UBE4B: variants seen among roughly 807,000 people sequenced by gnomAD.
UBE4B encodes ubiquitin conjugation factor E4 B.
In UBE4B, 27 loss-of-function variants were observed where a neutral mutation model predicts 148.1. The ratio of observed to expected loss-of-function variants is 0.18; its 90% CI spans 0.13 to 0.25. UBE4B has a LOEUF of 0.25. Among genes scored for constraint, UBE4B ranks in the 10% least tolerant of loss-of-function variants. The pLI is 1.00. For synonymous variants in UBE4B, 596 were observed against 619.3 expected (o/e 0.96, Z 0.56); for missense variants, 1,170 against 1,662.4 (o/e 0.70, Z 5.15).
intron 5 of UBE4B, among the ~76,000 whole-genome samples, chr1:10,104,803 A>G (rs1645079101): frequency 1.3e-5 from 2 of 152,102 alleles, no homozygotes; most frequent in South Asian, 2.1e-4. Flanking sequence ...TTGTTAAAAC[A>G]AGTGTCTTAC....
At chr1:10,105,244 TCA>T (rs1293693403) in intron 5 of UBE4B, among the ~76,000 whole-genome samples, 1 of 152,218 alleles carries the variant, frequency 6.6e-6, no homozygotes, top group Admixed American at 6.5e-5. Context: ...TGGAATAGTT[TCA>T]GTTAGTGCAG....
At chr1:10,101,976 GGTGTGTGT>G (rs35021874) in intron 4 of UBE4B, among the ~76,000 whole-genome samples, 1 of 147,472 alleles carries the variant, frequency 6.8e-6, no homozygotes, top group East Asian at 2.0e-4. Context: ...CTGCATTTAG[GGTGTGTGT>G]GTGTGTGTGT....
chr1:10,126,770 CTGAT>C lies in UBE4B; in HGVS notation c.1555-22_1555-19del. 1 of 1,585,212 alleles carries C rather than the reference CTGAT, an allele frequency of 6.3e-7. No individual in the cohort carries two copies. Among genetic ancestry groups the C allele is most frequent in the Non-Finnish European group, 8.7e-7 (1 of 1,154,602 alleles). ...CTTAGATTCTCTTAAACTTATATTT[CTGAT>C]TTTGTTTTTTTTCTTATAGATATTT... is the stretch of plus-strand genomic sequence containing the variant. On this transcript the variant is annotated intron_variant, in intron 10 of 27. Transcript: ENST00000343090.
At chr1:10,048,049 G>A (rs9919194) in intron 1 of UBE4B, among the ~76,000 whole-genome samples, 52,923 of 151,802 alleles carry the variant, frequency 0.35, 14,249 homozygotes, top group African/African-American at 0.75. Context: ...GGGTCTCCCT[G>A]TGTTGCCTAG....
chr1:10,068,422 T>C (rs1644426635), intron 1 of UBE4B, among the ~76,000 whole-genome samples: 1 of 151,676 alleles, frequency 6.6e-6, no homozygotes, highest in African/African-American at 2.4e-5. Context: ...CGATCTCAGC[T>C]CACTGTGACC....
At chr1:10,117,994 GCT>G (rs1645342139) in intron 8 of UBE4B, among the ~76,000 whole-genome samples, 1 of 152,160 alleles carries the variant, frequency 6.6e-6, no homozygotes, top group Non-Finnish European at 1.5e-5. Flanking sequence ...ATCCTCAGTT[GCT>G]CTGTTAGTGC....
At position 10,105,682 on chromosome 1, in the gene UBE4B, C is replaced by T. The variant is rs778022349; in HGVS notation, c.747C>T (p.Ser249=). The T allele has an allele frequency of 3.0e-5, 49 of 1,614,108 alleles. No individual in the cohort carries two copies. In the Middle Eastern group the frequency reaches 4.9e-4, roughly 16 times the overall value. Reference sequence around the variant, plus strand: ...GAAATCTCTTGCTAAACACTGGCTCCAATCCAGGAACAAGCCCCATGTTCT... The same window carrying T: ...GAAATCTCTTGCTAAACACTGGCTCTAATCCAGGAACAAGCCCCATGTTCT... ...PDRNLLLNTG[S]NPGTSPMFCS... Residue 249 remains serine, a synonymous_variant, in exon 6 of 28, where the codon TCC becomes TCT. Coordinates refer to ENST00000343090, the MANE Select transcript of UBE4B (RefSeq NM_001105562.3).
chr1:10,134,991 G>C lies in UBE4B; in HGVS notation c.2029G>C (p.Asp677His). The change falls in exon 16 of 28, where the codon GAT (aspartate) becomes CAT (histidine). Residue 677 changes from aspartate (D) to histidine (H), a missense_variant. Transcript: ENST00000343090. ...TTTTTCTTTTCAACTTTCACAGACA[G>C]ATGATAGATTGGTGTCTACAGATGG... The part of the protein sequence containing the change: ...ANMKKAQMQT[D>H]DRLVSTDGFM... 6.2e-7 allele frequency: 1 copy of C among 1,613,868 alleles called. No individual in the cohort carries two copies. Among genetic ancestry groups the C allele is most frequent in the Non-Finnish European group, 8.5e-7 (1 of 1,179,850 alleles).
At chr1:10,172,975 G>A (rs866456600) in intron 25 of UBE4B, among the ~76,000 whole-genome samples, 5 of 152,320 alleles carry the variant, frequency 3.3e-5, no homozygotes, top group Middle Eastern at 3.4e-3. Flanking sequence ...TAGCCTAGGA[G>A]CAATAGGCTA....
At chr1:10,166,395 A>G (rs1018019207) in intron 23 of UBE4B, 1 of 152,180 alleles carries the variant, frequency 6.6e-6, no homozygotes, top group Non-Finnish European at 1.5e-5. Context: ...TGGAAAGACA[A>G]AATTTTAAAA....
intron 21 of UBE4B, among the ~76,000 whole-genome samples, chr1:10,155,403 G>A (rs1286199502): frequency 6.6e-6 from 1 of 152,174 alleles, no homozygotes; most frequent in Non-Finnish European, 1.5e-5. Context: ...TGAGGAAACT[G>A]AAGCTTAAAA....
At chr1:10,097,809 C>CA (rs1477674706) in intron 3 of UBE4B, among the ~76,000 whole-genome samples, 4 of 151,838 alleles carry the variant, frequency 2.6e-5, no homozygotes, top group African/African-American at 7.3e-5. Flanking sequence ...GACTTTGTCT[C>CA]AAAAAAAGTA....
chr1:10,111,570 A>G (rs1359346248), intron 7 of UBE4B, among the ~76,000 whole-genome samples: 1 of 152,202 alleles, frequency 6.6e-6, no homozygotes, highest in African/African-American at 2.4e-5. Flanking sequence ...CAGGACCTAC[A>G]GCAGTGCCTA....
At chr1:10,068,438 C>T (rs1458844935) in intron 1 of UBE4B, among the ~76,000 whole-genome samples, 1 of 151,370 alleles carries the variant, frequency 6.6e-6, no homozygotes, top group Admixed American at 6.6e-5. Context: ...TGACCTCCTC[C>T]TCCCGGGTTG....
At chr1:10,082,632 C>CTTT (rs5772395) in intron 2 of UBE4B, among the ~76,000 whole-genome samples, 7 of 105,906 alleles carry the variant, frequency 6.6e-5, no homozygotes, top group Admixed American at 2.0e-4. Flanking sequence ...AAGAAGGCGA[C>CTTT]TTTTTTTTTT....
At chr1:10,053,908 A>G (rs1223957441) in intron 1 of UBE4B, among the ~76,000 whole-genome samples, 1 of 152,064 alleles carries the variant, frequency 6.6e-6, no homozygotes, top group African/African-American at 2.4e-5. Flanking sequence ...GCTGGTCTTG[A>G]ATTCCTGGGT....
At chr1:10,150,234 T>C (rs1570984361) in intron 20 of UBE4B, among the ~76,000 whole-genome samples, 1 of 152,028 alleles carries the variant, frequency 6.6e-6, no homozygotes, top group African/African-American at 2.4e-5. Context: ...ACCCAAATCA[T>C]TGGTGACACG....
chr1:10,126,869 C>T lies in UBE4B; in HGVS notation c.1630C>T (p.Pro544Ser), dbSNP rs764065405. ...CSLDSDYFKY[P>S]LMALGELCET... is the part of the protein sequence containing the mutation. ...CCTCGACAGTGACTACTTTAAATAC[C>T]CCCTCATGGTAAAACTTTGTTCTTT... is the stretch of plus-strand genomic sequence containing the variant. The change falls in exon 11 of 28, where the codon CCC becomes TCC. Residue 544 changes from proline to serine, a missense_variant. Pro to Ser is a moderately conservative substitution (Grantham distance 74). Around this residue, in one of 6 missense-constraint regions of UBE4B, gnomAD observed 388 missense variants for 536.0 expected, o/e 0.72. Coordinates refer to ENST00000343090, the MANE Select transcript of UBE4B (RefSeq NM_001105562.3). 6.2e-7 allele frequency: 1 copy of T among 1,613,404 alleles called. No individual in the cohort carries two copies.
At chr1:10,096,700 C>T (rs191802505) in intron 3 of UBE4B, among the ~76,000 whole-genome samples, 192 of 149,382 alleles carry the variant, frequency 1.3e-3, no homozygotes, top group Admixed American at 2.7e-3. Flanking sequence ...CCAGCCTGGC[C>T]GATAGAGTGA....
Sources: gnomAD v4.1 joint callset for allele counts (sites outside exome capture counted in the v4.1 genomes callset) on GRCh38, gnomAD v4.1.1 for gene constraint, gnomAD v4.1.1 regional missense constraint, MANE v1.5 for transcripts, NCBI Gene and HGNC (gene_info 2026-07-23, HGNC 2026-07-21) for gene names.